CDK11B: variants seen among roughly 807,000 people sequenced by gnomAD.
CDK11B encodes the protein cyclin-dependent kinase 11B.
Under a neutral mutation model 84.0 loss-of-function variants are expected in CDK11B, and 37 were observed. The observed-to-expected ratio is 0.44, with a 90% CI of 0.34 to 0.58. CDK11B has a LOEUF of 0.58. Among genes scored for constraint, CDK11B ranks in the 20% least tolerant of loss-of-function variants. The pLI is 0.02. For missense variants in CDK11B, 427 were observed against 834.0 expected, an observed-to-expected ratio of 0.51 and a Z score of 6.01; for synonymous variants, 269 against 309.8, an observed-to-expected ratio of 0.87 and a Z score of 1.38.
At chr1:1,647,827 C>T (rs938321643) in intron 5 of CDK11B, among the ~76,000 whole-genome samples, 3 of 152,172 alleles carry the variant, frequency 2.0e-5, no homozygotes, top group African/African-American at 7.2e-5. Context: ...AGGCCACTGC[C>T]CACTGCTCTA....
Position 1,636,983 on chromosome 1 carries a change from G to T in CDK11B, c.1714C>A (p.Arg572=). 6.2e-7 allele frequency: 1 copy of T among 1,611,644 alleles called. No homozygotes were observed. The highest frequency in any genetic ancestry group is 1.3e-5 in the African/African-American group (1 of 74,966). The stretch of plus-strand genomic sequence containing the variant: ...GCCTTCAGAGGGGATCCGTACTCCC[G>T]CGCCAGCCCGAAGTCACCCACCTGC... ...ILKVGDFGLA[R]EYGSPLKAYT... The change falls in exon 16 of 20, where the codon CGG becomes AGG. Residue 572 remains arginine (R), a synonymous_variant. Transcript: ENST00000341832.
At chr1:1,658,052 T>TA (rs1158306780) in intron 1 of CDK11B, among the ~76,000 whole-genome samples, 2 of 147,570 alleles carry the variant, frequency 1.4e-5, no homozygotes, top group Non-Finnish European at 3.0e-5. Flanking sequence ...CGGGTGCCTG[T>TA]AATCCCAGCT....
intron 3 of CDK11B, 80 bp downstream of exon 3, chr1:1,655,289 T>C: frequency 1.3e-6 from 2 of 1,515,978 alleles, no homozygotes; most frequent in Non-Finnish European, 1.8e-6. Context: ...CAGCACACAG[T>C]TGTCACAGCG....
Position 1,636,679 on chromosome 1 carries a change from C to T in CDK11B, c.1917+3G>A, listed in dbSNP as rs745412117. The T allele has an allele frequency of 6.2e-7, 1 of 1,613,838 alleles. No individual in the cohort carries two copies. Among genetic ancestry groups the T allele is most frequent in the Non-Finnish European group, 8.5e-7 (1 of 1,179,850 alleles). On this transcript the variant is annotated splice_donor_region_variant and intron_variant, in intron 17 of 19. Coordinates refer to ENST00000341832, the MANE Select transcript of CDK11B (RefSeq NM_033486.3). ...AGCGCACCTGCAGCAGGGCCAGACC[C>T]ACCTTGAACACCTTGTTGATCTGAT...
intron 16 of CDK11B, 25 bp from the exon 17 acceptor site, chr1:1,636,823 G>A: frequency 6.2e-7 from 1 of 1,613,738 alleles, no homozygotes; most frequent in Non-Finnish European, 8.5e-7. Context: ...GAGGTGTTCA[G>A]GAGGGCCAGT....
chr1:1,640,321 T>C lies in CDK11B; in HGVS notation c.1207A>G (p.Ile403Val), dbSNP rs200966225. 1.3e-4 allele frequency: 207 copies of C among 1,613,666 alleles called. 1 individual carries two copies. In the African/African-American group the frequency reaches 2.3e-3, roughly 18 times the overall value. ...TTGGGCAGCTCCTGCTTGAGCTCGATGGGCGACAGGGCAGGGGAGTCGGGC... is the reference window on the plus strand; with the variant it reads ...TTGGGCAGCTCCTGCTTGAGCTCGACGGGCGACAGGGCAGGGGAGTCGGGC... The part of the protein sequence containing the change: ...YVPDSPALSP[I>V]ELKQELPKYL... Residue 403 changes from isoleucine (I) to valine (V), a missense_variant, in exon 11 of 20, where the codon ATC becomes GTC. Ile to Val is a conservative substitution (Grantham distance 29). This residue lies in a region of CDK11B where 43 missense variants were observed against 61.8 expected (regional missense o/e 0.70). Transcript: ENST00000341832.
chr1:1,651,553 GAC>G (rs1642006986), intron 4 of CDK11B, among the ~76,000 whole-genome samples: 1 of 150,596 alleles, frequency 6.6e-6, no homozygotes, highest in African/African-American at 2.5e-5. Flanking sequence ...AATGGTCTGT[GAC>G]ACACGCATGC....
Position 1,649,557 on chromosome 1 carries a change from G to A in CDK11B, c.436C>T (p.Arg146Trp), listed in dbSNP as rs1570173314. The change falls in exon 5 of 20, where the codon CGG becomes TGG. Residue 146 changes from arginine to tryptophan, a missense_variant. Arg to Trp is a moderately radical substitution (Grantham distance 101). This residue lies in a region of CDK11B where 71 missense variants were observed against 66.2 expected (regional missense o/e 1.07). Coordinates refer to ENST00000341832, the MANE Select transcript of CDK11B (RefSeq NM_033486.3). ...CTTCTCTTCTGTCTTTCCCATTCCC[G>A]GCGAGCTTTATCCTGTTCTTCTCGA... Reference protein sequence around the residue: ...RHREEQDKARREWERQKRREM... With the variant: ...RHREEQDKARWEWERQKRREM... 1.1e-5 allele frequency: 18 copies of A among 1,604,248 alleles called. No individual in the cohort carries two copies. The highest frequency in any genetic ancestry group is 1.0e-4 in the Admixed American group (6 of 59,966).
At chr1:1,656,020 G>A (rs1642703443) in intron 2 of CDK11B, among the ~76,000 whole-genome samples, 1 of 152,208 alleles carries the variant, frequency 6.6e-6, no homozygotes, top group Non-Finnish European at 1.5e-5. Flanking sequence ...TCTATGCCAA[G>A]TATGTTAGTT....
Position 1,657,808 on chromosome 1 carries a change from G to A in CDK11B, c.-13-310C>T, listed in dbSNP as rs1321816151. Among the ~76,000 whole-genome samples the A allele has an allele frequency of 9.7e-5, 12 of 123,734 alleles. No individual in the cohort carries two copies. In the East Asian group the frequency reaches 2.7e-3, roughly 28 times the overall value. The allele number at this position is 123,734 out of a possible 152,430, so 81.2% of individuals were successfully genotyped here. A position where few individuals can be genotyped will look rare whatever the true frequency, so the allele number is the denominator to read the frequency against. ...TAGCTACAGGAAGGAGGCTGCTAGA[G>A]GCAGGAGGATCACTTGAATCAGAGA... On this transcript the variant is annotated intron_variant, in intron 1 of 19. Coordinates refer to ENST00000341832, the MANE Select transcript of CDK11B (RefSeq NM_033486.3).
intron 4 of CDK11B, among the ~76,000 whole-genome samples, chr1:1,650,772 G>T: frequency 6.6e-6 from 1 of 150,378 alleles, no homozygotes; most frequent in Non-Finnish European, 1.5e-5. Context: ...GGGATTACAG[G>T]CCTGGGCCAC....
Sources: gnomAD v4.1 joint callset for allele counts (sites outside exome capture counted in the v4.1 genomes callset) on GRCh38, gnomAD v4.1.1 for gene constraint, gnomAD v4.1.1 regional missense constraint, MANE v1.5 for transcripts, NCBI Gene and HGNC (gene_info 2026-07-23, HGNC 2026-07-21) for gene names.